CNTNAP2: variants seen among roughly 807,000 people sequenced by gnomAD.
CNTNAP2 encodes the protein contactin-associated protein-like 2.
Under a neutral mutation model 155.2 loss-of-function variants are expected in CNTNAP2, and 98 were observed. The ratio of observed to expected loss-of-function variants is 0.63; its 90% CI spans 0.54 to 0.75. The LOEUF (loss-of-function observed/expected upper bound fraction) is 0.75, where lower values mean the gene tolerates loss of function less well. CNTNAP2 is among the 30% of genes least tolerant of loss of function. The probability of loss-of-function intolerance (pLI) is 0.00; values close to 1 mark genes in which losing one functional copy is unlikely to be tolerated. For missense variants in CNTNAP2, 1,727 were observed against 1,688.1 expected, an observed-to-expected ratio of 1.02 and a Z score of -0.40; for synonymous variants, 651 against 631.2, an observed-to-expected ratio of 1.03 and a Z score of -0.47.
At chr7:148,066,377 T>G (rs1460090507) in intron 15 of CNTNAP2, among the ~76,000 whole-genome samples, 2 of 152,246 alleles carry the variant, frequency 1.3e-5, no homozygotes, top group Non-Finnish European at 2.9e-5. Context: ...TCAAGTAAGT[T>G]TTCCAAACAT....
chr7:148,326,875 A>T (rs1416877015), intron 21 of CNTNAP2, among the ~76,000 whole-genome samples: 1 of 151,802 alleles, frequency 6.6e-6, no homozygotes, highest in African/African-American at 2.4e-5. Flanking sequence ...AAAAAAAAAA[A>T]AAAAATAGAG....
chr7:147,481,481 G>C (rs980147200), intron 10 of CNTNAP2, among the ~76,000 whole-genome samples: 1 of 152,166 alleles, frequency 6.6e-6, no homozygotes, highest in Non-Finnish European at 1.5e-5. Flanking sequence ...GGATTGAATT[G>C]CAACATCCAT....
intron 4 of CNTNAP2, among the ~76,000 whole-genome samples, chr7:147,072,161 G>A (rs1265166122): frequency 6.6e-6 from 1 of 152,090 alleles, no homozygotes; most frequent in East Asian, 1.9e-4. Flanking sequence ...AGGAGGAAGG[G>A]TCATATTTCA....
At chr7:147,546,785 G>A (rs957538247) in intron 11 of CNTNAP2, among the ~76,000 whole-genome samples, 6 of 152,276 alleles carry the variant, frequency 3.9e-5, no homozygotes, top group African/African-American at 7.2e-5. Context: ...GAAACACATC[G>A]CAGATCTTTC....
intron 1 of CNTNAP2, among the ~76,000 whole-genome samples, chr7:146,482,057 T>C (rs1251770970): frequency 6.6e-6 from 1 of 151,918 alleles, no homozygotes; most frequent in Non-Finnish European, 1.5e-5. Flanking sequence ...TAAAAAATAA[T>C]GATAACTTAA....
intron 13 of CNTNAP2, among the ~76,000 whole-genome samples, chr7:147,735,189 T>A (rs1298464117): frequency 2.0e-5 from 3 of 152,198 alleles, no homozygotes; most frequent in African/African-American, 7.2e-5. Context: ...ACACACTGAT[T>A]TAAATGTGTC....
intron 21 of CNTNAP2, among the ~76,000 whole-genome samples, chr7:148,334,077 C>T (rs541175426): frequency 6.6e-6 from 1 of 152,208 alleles, no homozygotes; most frequent in Non-Finnish European, 1.5e-5. Flanking sequence ...TGACCCACAA[C>T]AGCAGTTCTA....
chr7:146,573,393 G>A (rs1172215183), intron 1 of CNTNAP2, among the ~76,000 whole-genome samples: 2 of 152,022 alleles, frequency 1.3e-5, no homozygotes, highest in African/African-American at 2.4e-5. Context: ...TGCCTGCCTC[G>A]ACCTTCCAAA....
At chr7:147,488,857 A>G (rs1474401395) in intron 11 of CNTNAP2, among the ~76,000 whole-genome samples, 2 of 152,200 alleles carry the variant, frequency 1.3e-5, no homozygotes, top group Non-Finnish European at 2.9e-5. Context: ...GTAGGAATAG[A>G]TAATTAACAG....
intron 13 of CNTNAP2, among the ~76,000 whole-genome samples, chr7:147,883,917 G>C (rs1799563861): frequency 6.6e-6 from 1 of 152,120 alleles, no homozygotes. Flanking sequence ...ACTCTAGTGG[G>C]AGGGGACAAA....
At chr7:146,486,452 TA>T (rs919570270) in intron 1 of CNTNAP2, among the ~76,000 whole-genome samples, 3 of 152,026 alleles carry the variant, frequency 2.0e-5, no homozygotes, top group African/African-American at 7.2e-5. Context: ...AGCAAAAAAA[TA>T]AAAAGTTATC....
chr7:147,722,618 TG>T (rs1418825392), intron 13 of CNTNAP2, among the ~76,000 whole-genome samples: 2 of 152,236 alleles, frequency 1.3e-5, no homozygotes, highest in East Asian at 3.9e-4. Flanking sequence ...GAAGTTTATA[TG>T]GCACTGTTAT....
intron 13 of CNTNAP2, among the ~76,000 whole-genome samples, chr7:147,822,262 T>C (rs1040769554): frequency 7.9e-5 from 12 of 152,282 alleles, no homozygotes; most frequent in South Asian, 2.1e-4. Flanking sequence ...AAGATTTAGA[T>C]GACTCTTTCA....
intron 16 of CNTNAP2, among the ~76,000 whole-genome samples, chr7:148,140,364 CCCTT>C (rs1400803509): frequency 6.6e-6 from 1 of 152,102 alleles, no homozygotes; most frequent in Non-Finnish European, 1.5e-5. Context: ...AAGCCCCACA[CCCTT>C]CATCACATTG....
chr7:146,216,063 T>G (rs1297553163), intron 1 of CNTNAP2, among the ~76,000 whole-genome samples: 2 of 152,088 alleles, frequency 1.3e-5, no homozygotes, highest in African/African-American at 4.8e-5. Flanking sequence ...GGGAAGGGAA[T>G]GTAGATGAGT....
intron 13 of CNTNAP2, among the ~76,000 whole-genome samples, chr7:147,864,945 C>T (rs1799201428): frequency 1.3e-5 from 2 of 152,126 alleles, no homozygotes; most frequent in South Asian, 2.1e-4. Flanking sequence ...TTGCCCTGGC[C>T]ATAATTCCCA....
chr7:146,140,421 G>A (rs981602371), intron 1 of CNTNAP2, among the ~76,000 whole-genome samples: 3 of 152,050 alleles, frequency 2.0e-5, no homozygotes. Flanking sequence ...GGCATCTAAT[G>A]TCTGTGGCAA....
At chr7:146,881,696 A>T (rs1463914943) in intron 3 of CNTNAP2, among the ~76,000 whole-genome samples, 1 of 151,182 alleles carries the variant, frequency 6.6e-6, no homozygotes, top group African/African-American at 2.4e-5. Flanking sequence ...AATATATACA[A>T]GTTTTACCCC....
chr7:147,932,533 A>G (rs1395012994), intron 14 of CNTNAP2, among the ~76,000 whole-genome samples: 1 of 152,210 alleles, frequency 6.6e-6, no homozygotes, highest in East Asian at 1.9e-4. Context: ...TTAAACCCTT[A>G]CTGTACACCA....
Sources: gnomAD v4.1 joint callset for allele counts (sites outside exome capture counted in the v4.1 genomes callset) on GRCh38, gnomAD v4.1.1 for gene constraint, MANE v1.5 for transcripts, NCBI Gene and HGNC (gene_info 2026-07-23, HGNC 2026-07-21) for gene names.